Variants in ROBO2 observed in about 807,000 individuals in gnomAD.
ROBO2 encodes roundabout guidance receptor 2, also known as roundabout homolog 2.
Under a neutral mutation model 160.8 loss-of-function variants are expected in ROBO2, and 53 were observed. The observed-to-expected ratio is 0.33, with a 90% CI of 0.26 to 0.41. The LOEUF (loss-of-function observed/expected upper bound fraction) is 0.41. ROBO2 is among the 10% of genes least tolerant of loss of function. ROBO2 has a pLI of 1.00. For missense variants in ROBO2, 1,577 were observed against 1,722.4 expected (o/e 0.92, Z 1.49); for synonymous variants, 664 against 611.7 (o/e 1.09, Z -1.26).
chr3:77,029,093 T>C (rs1008364575), intron 2 of ROBO2, among the ~76,000 whole-genome samples: 2 of 152,200 alleles, frequency 1.3e-5, no homozygotes, highest in Admixed American at 6.5e-5. Context: ...TGTTTTAGAC[T>C]GAAAGTAACA....
intron 2 of ROBO2, among the ~76,000 whole-genome samples, chr3:76,826,406 T>C (rs1323248913): frequency 1.3e-5 from 2 of 152,094 alleles, no homozygotes; most frequent in Non-Finnish European, 2.9e-5. Context: ...CATCTCAGAA[T>C]TACCCTCCAG....
At chr3:77,168,649 AT>A (rs1189501645) in intron 2 of ROBO2, among the ~76,000 whole-genome samples, 1 of 152,076 alleles carries the variant, frequency 6.6e-6, no homozygotes, top group Non-Finnish European at 1.5e-5. Flanking sequence ...TCCAGTTTTA[AT>A]TTTTTGCCCC....
At chr3:76,686,261 TC>T (rs570021634) in intron 2 of ROBO2, among the ~76,000 whole-genome samples, 142 of 152,244 alleles carry the variant, frequency 9.3e-4, no homozygotes, top group African/African-American at 3.4e-3. Context: ...TGTGTACTTT[TC>T]CCATAAAATA....
At chr3:77,219,714 C>T (rs2085527620) in intron 2 of ROBO2, among the ~76,000 whole-genome samples, 1 of 151,200 alleles carries the variant, frequency 6.6e-6, no homozygotes, top group African/African-American at 2.4e-5. Flanking sequence ...GTCTACAAGT[C>T]ACAAAGCTAT....
intron 2 of ROBO2, among the ~76,000 whole-genome samples, chr3:76,083,435 AC>A (rs1444877282): frequency 6.6e-6 from 1 of 152,104 alleles, no homozygotes; most frequent in African/African-American, 2.4e-5. Context: ...GAGATTGACC[AC>A]TGTTCATCAT....
intron 2 of ROBO2, among the ~76,000 whole-genome samples, chr3:76,737,598 T>C (rs2093734375): frequency 1.3e-5 from 2 of 152,198 alleles, no homozygotes; most frequent in Admixed American, 6.5e-5. Flanking sequence ...CTCCAAGCTC[T>C]ATTTTTCCTT....
chr3:75,988,847 T>A (rs916959646), intron 2 of ROBO2, among the ~76,000 whole-genome samples: 7 of 151,938 alleles, frequency 4.6e-5, no homozygotes, highest in Admixed American at 2.0e-4. Context: ...ATATATTTTG[T>A]ATGATGTTTA....
At chr3:76,842,876 A>G (rs888873683) in intron 2 of ROBO2, among the ~76,000 whole-genome samples, 2 of 152,094 alleles carry the variant, frequency 1.3e-5, no homozygotes, top group Non-Finnish European at 1.5e-5. Context: ...GACATGAATG[A>G]GTTATTATTC....
chr3:76,977,101 A>C (rs1054915601), intron 2 of ROBO2, among the ~76,000 whole-genome samples: 1 of 152,178 alleles, frequency 6.6e-6, no homozygotes, highest in African/African-American at 2.4e-5. Flanking sequence ...TAAGTACCAG[A>C]AAGGAAAGCA....
At position 76,753,672 on chromosome 3, in the gene ROBO2, A is replaced by G. The variant is rs150935861; in HGVS notation, c.110-344342A>G. ...CAGGTCACATACTGAAAAAGAGTAA[A>G]AAAAGAGACCATTGCTATTTAAAAA... On this transcript the variant is annotated intron_variant, in intron 2 of 26. Transcript: ENST00000487694. Among the ~76,000 whole-genome samples the G allele has an allele frequency of 6.5e-3, 988 of 152,018 alleles. 6 individuals carry two copies. The highest frequency in any genetic ancestry group is 0.024 in the Middle Eastern group (7 of 294).
intron 6 of ROBO2, among the ~76,000 whole-genome samples, chr3:77,543,600 C>T (rs1391162667): frequency 1.3e-5 from 2 of 152,102 alleles, no homozygotes; most frequent in African/African-American, 4.8e-5. Flanking sequence ...CTAAAGTACA[C>T]ATGGTAATTT....
At chr3:77,065,612 T>C (rs1339502984) in intron 1 of ROBO2, among the ~76,000 whole-genome samples, 1 of 152,186 alleles carries the variant, frequency 6.6e-6, no homozygotes, top group East Asian at 1.9e-4. Context: ...ATGCTATTGA[T>C]TAAATACTTT....
At chr3:77,445,307 A>G (rs1316610182) in intron 2 of ROBO2, among the ~76,000 whole-genome samples, 4 of 152,152 alleles carry the variant, frequency 2.6e-5, no homozygotes, top group Non-Finnish European at 5.9e-5. Context: ...ACTTCTTAAA[A>G]CCAGTCAAAT....
At chr3:77,008,965 T>C (rs1053608609) in intron 2 of ROBO2, among the ~76,000 whole-genome samples, 1 of 152,202 alleles carries the variant, frequency 6.6e-6, no homozygotes, top group African/African-American at 2.4e-5. Context: ...TTTTGTTCCT[T>C]CTTTTGGATG....
At chr3:77,086,077 T>C (rs1316959492) in intron 1 of ROBO2, among the ~76,000 whole-genome samples, 2 of 152,100 alleles carry the variant, frequency 1.3e-5, no homozygotes, top group Admixed American at 1.3e-4. Flanking sequence ...ACAGCGTTGG[T>C]ATATATTTCA....
At chr3:76,594,499 A>T (rs2086618638) in intron 2 of ROBO2, among the ~76,000 whole-genome samples, 1 of 151,986 alleles carries the variant, frequency 6.6e-6, no homozygotes. Context: ...TATTGGAATT[A>T]CTCTCATATT....
At chr3:76,915,562 C>T (rs949031317) in intron 2 of ROBO2, among the ~76,000 whole-genome samples, 24 of 149,452 alleles carry the variant, frequency 1.6e-4, no homozygotes, top group East Asian at 4.0e-4. Context: ...CCCAGCTACT[C>T]GGGAGGCTGA....
intron 2 of ROBO2, among the ~76,000 whole-genome samples, chr3:76,528,072 T>C (rs2082039440): frequency 1.3e-5 from 2 of 152,160 alleles, no homozygotes. Flanking sequence ...CTTTGAATAA[T>C]AATATGAAAT....
At chr3:76,245,027 G>T in intron 2 of ROBO2, among the ~76,000 whole-genome samples, 1 of 150,166 alleles carries the variant, frequency 6.7e-6, no homozygotes, top group East Asian at 2.1e-4. Flanking sequence ...AAATTAAACA[G>T]TGTGTAAATA....
Sources: allele counts gnomAD v4.1 joint callset (sites outside exome capture counted in the v4.1 genomes callset), GRCh38; gene constraint gnomAD v4.1.1; transcripts MANE v1.5; gene names NCBI Gene and HGNC (gene_info 2026-07-23, HGNC 2026-07-21).